SHANK2: variants seen among roughly 807,000 people sequenced by gnomAD.
The protein encoded by SHANK2 is SH3 and multiple ankyrin repeat domains 2, also known as SH3 and multiple ankyrin repeat domains protein 2.
SHANK2 carries 43 observed loss-of-function variants against 133.7 expected under a neutral mutation model. The observed-to-expected ratio is 0.32, with a 90% CI of 0.25 to 0.41. SHANK2 has a LOEUF of 0.41. Ranked by LOEUF, SHANK2 falls within the 10% of genes least tolerant of loss-of-function variation. The pLI, the probability that SHANK2 is intolerant of heterozygous loss-of-function variation, is 1.00. For synonymous variants in SHANK2, 1,017 were observed against 952.8 expected (o/e 1.07, Z -1.24); for missense variants, 1,994 against 2,235.8 (o/e 0.89, Z 2.18).
chr11:71,249,206 T>A lies in SHANK2; in HGVS notation c.-113+3219A>T, dbSNP rs142768720. On this transcript the variant is annotated intron_variant, in intron 1 of 25. Coordinates refer to ENST00000601538, the MANE Select transcript of SHANK2 (RefSeq NM_012309.5). ...TTCATTCTCCCGGTGCCCAGGTGAA[T>A]GGCAAGGGGTGGGGGACTCCAGAGA... 6.2e-3 allele frequency among the ~76,000 whole-genome samples: 937 copies of A among 152,206 alleles called. 9 individuals carry two copies. Among genetic ancestry groups the A allele is most frequent in the African/African-American group, 0.022 (902 of 41,526 alleles).
intron 10 of SHANK2, among the ~76,000 whole-genome samples, chr11:70,947,861 C>T (rs895750672): frequency 2.0e-5 from 3 of 152,104 alleles, no homozygotes; most frequent in Admixed American, 2.0e-4. Context: ...GATTAAATGC[C>T]ATTTTAGAGT....
At chr11:71,113,956 G>A (rs568538082) in intron 4 of SHANK2, among the ~76,000 whole-genome samples, 37 of 152,330 alleles carry the variant, frequency 2.4e-4, no homozygotes, top group Non-Finnish European at 8.8e-5. Context: ...GATGCACGGA[G>A]TAAGCAACAT....
At chr11:70,595,240 A>C (rs912616431) in intron 17 of SHANK2, among the ~76,000 whole-genome samples, 1 of 152,136 alleles carries the variant, frequency 6.6e-6, no homozygotes, top group Non-Finnish European at 1.5e-5. Flanking sequence ...GGCAGTTTGA[A>C]GGGTGCAGCC....
At chr11:70,887,119 GCACGACTGTT>G (rs1555073686) in intron 11 of SHANK2, among the ~76,000 whole-genome samples, 1 of 152,120 alleles carries the variant, frequency 6.6e-6, no homozygotes, top group Non-Finnish European at 1.5e-5. Context: ...CTTAATGTGT[GCACGACTGTT>G]TCAGATGCGG....
At chr11:71,107,575 G>A (rs570417110) in intron 6 of SHANK2, among the ~76,000 whole-genome samples, 78 of 152,296 alleles carry the variant, frequency 5.1e-4, no homozygotes, top group African/African-American at 1.9e-3. Context: ...CGGGGAAAGT[G>A]GTCAGGTCTT....
Position 70,482,475 on chromosome 11 carries a change from G to C in SHANK2, c.4979+2839C>G, listed in dbSNP as rs375907261. Among the ~76,000 whole-genome samples the C allele has an allele frequency of 3.3e-4, 50 of 152,368 alleles. No homozygotes were observed. In the South Asian group the frequency reaches 5.0e-3, roughly 15 times the overall value. On this transcript the variant is annotated intron_variant, in intron 25 of 25. Transcript: ENST00000601538. ...AGGCAGTCCCTGGCTCCCACAAGGTGAGGAGTCAAACCCTGAGCCAGCTCC... is the reference window on the plus strand; with the variant it reads ...AGGCAGTCCCTGGCTCCCACAAGGTCAGGAGTCAAACCCTGAGCCAGCTCC...
At chr11:70,755,131 G>A (rs1359898949) in intron 14 of SHANK2, among the ~76,000 whole-genome samples, 1 of 151,688 alleles carries the variant, frequency 6.6e-6, no homozygotes, top group Non-Finnish European at 1.5e-5. Flanking sequence ...GAGTGCAGTG[G>A]CGTGACCTCG....
intron 17 of SHANK2, among the ~76,000 whole-genome samples, chr11:70,620,263 T>C (rs1013346474): frequency 2.6e-5 from 4 of 152,184 alleles, no homozygotes; most frequent in Admixed American, 6.5e-5. Flanking sequence ...GGCCTCTGCA[T>C]AGCCCGGCTG....
chr11:71,167,585 A>C (rs1555111259), intron 2 of SHANK2, among the ~76,000 whole-genome samples: 1 of 123,328 alleles, frequency 8.1e-6, no homozygotes, highest in Non-Finnish European at 1.7e-5. Flanking sequence ...CTGGCCGGGC[A>C]GAGGGACTCC....
chr11:70,582,341 C>A (rs2060195430), intron 17 of SHANK2, among the ~76,000 whole-genome samples: 1 of 152,218 alleles, frequency 6.6e-6, no homozygotes, highest in African/African-American at 2.4e-5. Context: ...AGGCCGCCAG[C>A]CCCGGCCGGA....
At chr11:71,138,920 G>A (rs1245290722) in intron 3 of SHANK2, among the ~76,000 whole-genome samples, 7 of 152,140 alleles carry the variant, frequency 4.6e-5, no homozygotes, top group African/African-American at 1.4e-4. Context: ...GCAGCACAGC[G>A]GGAATGAGAG....
At chr11:70,829,804 T>C in intron 11 of SHANK2, among the ~76,000 whole-genome samples, 1 of 152,160 alleles carries the variant, frequency 6.6e-6, no homozygotes. Context: ...TCCATCAGTC[T>C]CATGCACACA....
chr11:71,190,214 C>A (rs1054523533), intron 2 of SHANK2, among the ~76,000 whole-genome samples: 1 of 152,364 alleles, frequency 6.6e-6, no homozygotes, highest in South Asian at 2.1e-4. Flanking sequence ...TCCAAGCTGG[C>A]CTTGGACTAG....
intron 17 of SHANK2, among the ~76,000 whole-genome samples, chr11:70,598,139 A>G (rs11236773): frequency 0.19 from 29,507 of 152,198 alleles, 3,155 homozygotes; most frequent in East Asian, 0.39. Context: ...AACGTGCCGT[A>G]GACAGGGTCC....
rs1296505869 is a variant in SHANK2, at chr11:70,636,368, TATGA to T, written c.2061+23456_2061+23459del. Reference sequence around the variant, plus strand: ...GTGTTAGTACATGTGCATATGTGTGTATGAATGTGAGTCTGTGTGTATGAGTGTG... The same window carrying T: ...GTGTTAGTACATGTGCATATGTGTGTATGTGAGTCTGTGTGTATGAGTGTG... On this transcript the variant is annotated intron_variant, in intron 17 of 25. Transcript: ENST00000601538. Among the ~76,000 whole-genome samples, 5 of 141,378 alleles carry T rather than the reference TATGA, an allele frequency of 3.5e-5. No individual in the cohort carries two copies. In the East Asian group the frequency reaches 6.2e-4, roughly 18 times the overall value. 92.7% of individuals were successfully genotyped at this position (141,378 alleles called of 152,430 possible). A position where few individuals can be genotyped will look rare whatever the true frequency, so the allele number is the denominator to read the frequency against.
At chr11:70,874,829 T>C (rs1949531227) in intron 11 of SHANK2, among the ~76,000 whole-genome samples, 1 of 152,156 alleles carries the variant, frequency 6.6e-6, no homozygotes, top group Non-Finnish European at 1.5e-5. Context: ...TGTGCCCTCA[T>C]GTCTGTTTCA....
chr11:71,118,818 C>A lies in SHANK2; in HGVS notation c.411+11G>T, dbSNP rs782789790. The A allele has an allele frequency of 1.3e-6, 2 of 1,537,886 alleles. No individual in the cohort carries two copies. Among genetic ancestry groups the A allele is most frequent in the East Asian group, 2.5e-5 (1 of 40,802 alleles). On this transcript the variant is annotated intron_variant, in intron 4 of 25. Transcript: ENST00000601538. Reference sequence around the variant, plus strand: ...ACAACCACAGTCCATGCACTGTGGGCTGAAATATACCTCCAGGGAAGGAAC... The same window carrying A: ...ACAACCACAGTCCATGCACTGTGGGATGAAATATACCTCCAGGGAAGGAAC...
At chr11:70,611,174 T>C (rs2060652316) in intron 17 of SHANK2, among the ~76,000 whole-genome samples, 1 of 152,216 alleles carries the variant, frequency 6.6e-6, no homozygotes, top group Non-Finnish European at 1.5e-5. Flanking sequence ...TTGGAGGTTC[T>C]CAGATTTAAG....
intron 10 of SHANK2, among the ~76,000 whole-genome samples, chr11:70,942,089 A>T (rs1401566527): frequency 6.6e-6 from 1 of 152,146 alleles, no homozygotes; most frequent in Non-Finnish European, 1.5e-5. Flanking sequence ...CAGGAGGCTG[A>T]GGCAGGAGAA....
Sources: allele counts gnomAD v4.1 joint callset (sites outside exome capture counted in the v4.1 genomes callset), GRCh38; gene constraint gnomAD v4.1.1; transcripts MANE v1.5; gene names NCBI Gene and HGNC (gene_info 2026-07-23, HGNC 2026-07-21).